SIPA1L1: variants seen among roughly 807,000 people sequenced by gnomAD.
SIPA1L1 encodes the protein signal-induced proliferation-associated 1-like protein 1.
In SIPA1L1, 26 loss-of-function variants were observed where a neutral mutation model predicts 162.7. That is an observed-to-expected ratio of 0.16 (90% CI 0.12 to 0.22). SIPA1L1 has a LOEUF of 0.22. Among genes scored for constraint, SIPA1L1 ranks in the 10% least tolerant of loss-of-function variants. The probability of loss-of-function intolerance (pLI) is 1.00; values close to 1 mark genes in which losing one functional copy is unlikely to be tolerated. For missense variants in SIPA1L1, 1,874 were observed against 2,241.0 expected (o/e 0.84, Z 3.31); for synonymous variants, 829 against 837.4 (o/e 0.99, Z 0.17).
chr14:71,592,410 A>G (rs1055067263), intron 5 of SIPA1L1, among the ~76,000 whole-genome samples: 2 of 152,222 alleles, frequency 1.3e-5, no homozygotes, highest in East Asian at 3.8e-4. Flanking sequence ...CTTATAATAG[A>G]CAACTTTGAT....
intron 3 of SIPA1L1, among the ~76,000 whole-genome samples, chr14:71,518,853 A>G (rs1183765929): frequency 2.6e-5 from 4 of 152,312 alleles, no homozygotes; most frequent in African/African-American, 7.2e-5. Flanking sequence ...TTACAGTTCT[A>G]CATGGCTGGG....
intron 4 of SIPA1L1, among the ~76,000 whole-genome samples, chr14:71,559,154 G>A (rs370154888): frequency 1.3e-5 from 2 of 148,842 alleles, no homozygotes; most frequent in East Asian, 2.0e-4. Flanking sequence ...TGCAACCTCC[G>A]CCTCCCTGGT....
intron 13 of SIPA1L1, among the ~76,000 whole-genome samples, chr14:71,689,380 AGTT>A (rs1486540994): frequency 1.3e-5 from 2 of 152,232 alleles, no homozygotes; most frequent in Non-Finnish European, 2.9e-5. Context: ...TGAGAGTAGT[AGTT>A]ATTAACAATT....
intron 4 of SIPA1L1, among the ~76,000 whole-genome samples, chr14:71,549,103 G>A (rs187720775): frequency 1.5e-3 from 225 of 152,170 alleles, no homozygotes; most frequent in African/African-American, 5.2e-3. Flanking sequence ...AAATAATTCA[G>A]CATTTAAGTG....
At chr14:71,537,846 G>A (rs2054043689) in intron 4 of SIPA1L1, among the ~76,000 whole-genome samples, 1 of 152,308 alleles carries the variant, frequency 6.6e-6, no homozygotes, top group East Asian at 1.9e-4. Flanking sequence ...GGAATTTGTA[G>A]TCTTAAAAAG....
chr14:71,627,527 A>G (rs980735583), intron 7 of SIPA1L1, among the ~76,000 whole-genome samples: 4 of 152,144 alleles, frequency 2.6e-5, no homozygotes, highest in African/African-American at 7.2e-5. Flanking sequence ...TTTCACACCA[A>G]TAAGAATTTA....
At chr14:71,423,785 A>G (rs893044954) in intron 2 of SIPA1L1, among the ~76,000 whole-genome samples, 1 of 152,008 alleles carries the variant, frequency 6.6e-6, no homozygotes, top group Non-Finnish European at 1.5e-5. Context: ...CATTGTGGCT[A>G]TTTGGGTCCC....
chr14:71,350,049 G>A (rs1162594004), intron 2 of SIPA1L1, among the ~76,000 whole-genome samples: 1 of 152,156 alleles, frequency 6.6e-6, no homozygotes, highest in Non-Finnish European at 1.5e-5. Flanking sequence ...GGTTATAAGA[G>A]CATTTCTGCT....
At chr14:71,656,919 C>G (rs1028477670) in intron 8 of SIPA1L1, among the ~76,000 whole-genome samples, 1 of 152,358 alleles carries the variant, frequency 6.6e-6, no homozygotes, top group African/African-American at 2.4e-5. Flanking sequence ...CCCTGGGAAT[C>G]TGCCTCTTAA....
chr14:71,574,031 G>A, intron 4 of SIPA1L1: 2 of 254,750 alleles, frequency 7.9e-6, no homozygotes, highest in Non-Finnish European at 7.8e-6. Context: ...GGTGTTAGAA[G>A]GTAATAACAC....
intron 2 of SIPA1L1, among the ~76,000 whole-genome samples, chr14:71,328,839 A>C (rs1330667040): frequency 6.6e-6 from 1 of 152,220 alleles, no homozygotes; most frequent in Non-Finnish European, 1.5e-5. Flanking sequence ...ATAGTTCAGT[A>C]GTGTTAAGTA....
rs1283948095 is a variant in SIPA1L1 at position 71,734,363 on chromosome 14, A to G, written c.5008+551A>G. On this transcript the variant is annotated intron_variant, in intron 21 of 23. Transcript: ENST00000381232. ...ACTGGTGCTGATCTTGCCTGCTGTA[A>G]TGAAAACACAAAAAGTAGTGCAGTA... 2.6e-5 allele frequency among the ~76,000 whole-genome samples: 4 copies of G among 152,260 alleles called. 1 individual carries two copies. Among genetic ancestry groups the G allele is most frequent in the South Asian group, 2.1e-4 (1 of 4,834 alleles).
At chr14:71,411,605 C>T (rs944255093) in intron 2 of SIPA1L1, among the ~76,000 whole-genome samples, 3 of 152,210 alleles carry the variant, frequency 2.0e-5, no homozygotes, top group African/African-American at 7.2e-5. Flanking sequence ...TAGCATTCAG[C>T]AAAGCTTCCC....
At chr14:71,537,664 T>C (rs866127778) in intron 4 of SIPA1L1, among the ~76,000 whole-genome samples, 3 of 152,158 alleles carry the variant, frequency 2.0e-5, no homozygotes, top group Non-Finnish European at 4.4e-5. Context: ...CTATCTTTTT[T>C]CCCCTGCATC....
At chr14:71,609,708 C>G (rs2037972830) in intron 5 of SIPA1L1, among the ~76,000 whole-genome samples, 1 of 152,082 alleles carries the variant, frequency 6.6e-6, no homozygotes, top group East Asian at 1.9e-4. Flanking sequence ...CTCAAGCAAT[C>G]CATCCACCTC....
chr14:71,520,505 C>T (rs1347822364), intron 3 of SIPA1L1, among the ~76,000 whole-genome samples: 3 of 152,052 alleles, frequency 2.0e-5, no homozygotes, highest in Non-Finnish European at 2.9e-5. Flanking sequence ...AAACCAGTCC[C>T]GAGATCAAAA....
At chr14:71,678,354 C>T (rs1036331552) in intron 12 of SIPA1L1, among the ~76,000 whole-genome samples, 4 of 152,108 alleles carry the variant, frequency 2.6e-5, no homozygotes, top group African/African-American at 7.2e-5. Context: ...GCATGAAGGG[C>T]TGTTGAATTT....
At chr14:71,684,554 C>T (rs942883161) in intron 12 of SIPA1L1, among the ~76,000 whole-genome samples, 16 of 152,264 alleles carry the variant, frequency 1.1e-4, no homozygotes, top group Non-Finnish European at 1.6e-4. Context: ...GCTGCTCGTA[C>T]ACCCTTTCGG....
At chr14:71,544,227 A>G (rs973184392) in intron 4 of SIPA1L1, among the ~76,000 whole-genome samples, 2 of 149,468 alleles carry the variant, frequency 1.3e-5, no homozygotes, top group Admixed American at 6.7e-5. Flanking sequence ...GTATATACAT[A>G]TATCATGTAT....
Sources: allele counts gnomAD v4.1 joint callset (sites outside exome capture counted in the v4.1 genomes callset), GRCh38; gene constraint gnomAD v4.1.1; transcripts MANE v1.5; gene names NCBI Gene and HGNC (gene_info 2026-07-23, HGNC 2026-07-21).